Variants in GRIK4 observed in about 807,000 individuals in gnomAD.
The protein encoded by GRIK4 is glutamate ionotropic receptor kainate type subunit 4.
A neutral mutation model predicts 104.9 loss-of-function variants in GRIK4; 40 were observed. That is an observed-to-expected ratio of 0.38 (90% CI 0.30 to 0.50). The LOEUF (loss-of-function observed/expected upper bound fraction) is 0.50. Ranked by LOEUF, GRIK4 falls within the 20% of genes least tolerant of loss-of-function variation. The pLI, the probability that GRIK4 is intolerant of heterozygous loss-of-function variation, is 0.93. For synonymous variants in GRIK4, 485 were observed against 524.9 expected (o/e 0.92, Z 1.04); for missense variants, 1,047 against 1,308.1 (o/e 0.80, Z 3.08).
At chr11:120,841,957 C>T (rs1295752729) in intron 8 of GRIK4, among the ~76,000 whole-genome samples, 1 of 152,148 alleles carries the variant, frequency 6.6e-6, no homozygotes, top group African/African-American at 2.4e-5. Flanking sequence ...AAAATCACAT[C>T]CTTACAATCA....
At chr11:120,746,636 A>C (rs534934719) in intron 3 of GRIK4, among the ~76,000 whole-genome samples, 31 of 152,318 alleles carry the variant, frequency 2.0e-4, no homozygotes, top group Admixed American at 1.2e-3. Flanking sequence ...CTGCTTACCC[A>C]AAAGGGGGAA....
chr11:120,529,017 T>G (rs10892584), intron 1 of GRIK4, among the ~76,000 whole-genome samples: 90,243 of 151,924 alleles, frequency 0.59, 28,107 homozygotes, highest in Non-Finnish European at 0.67. Context: ...TGCTGTTCAC[T>G]CTGCCTGCAA....
rs941758830 is a variant in GRIK4, at chr11:120,847,206, C to A, written c.744+10362C>A. On this transcript the variant is annotated intron_variant, in intron 8 of 20. Transcript: ENST00000527524. ...GGAAAGTGACTTGGCCAGGCTCTCA[C>A]AGTGAGTCAGGAGTAGAGAGAGGAG... is the stretch of plus-strand genomic sequence containing the variant. 6.6e-5 allele frequency among the ~76,000 whole-genome samples: 10 copies of A among 152,290 alleles called. No individual in the cohort carries two copies. In the East Asian group the frequency reaches 1.9e-3, roughly 29 times the overall value.
intron 1 of GRIK4, among the ~76,000 whole-genome samples, chr11:120,587,376 C>G (rs1002819851): frequency 6.6e-6 from 1 of 152,002 alleles, no homozygotes; most frequent in African/African-American, 2.4e-5. Flanking sequence ...GGAAAGGAGA[C>G]CGTGAGCTTT....
intron 14 of GRIK4, among the ~76,000 whole-genome samples, chr11:120,949,324 T>C (rs1438089254): frequency 1.3e-5 from 2 of 152,238 alleles, no homozygotes; most frequent in Non-Finnish European, 2.9e-5. Context: ...GGGATGCTGA[T>C]TGATGGTCAG....
At chr11:120,521,111 A>G (rs1485973501) in intron 1 of GRIK4, among the ~76,000 whole-genome samples, 15 of 151,916 alleles carry the variant, frequency 9.9e-5, no homozygotes, top group Non-Finnish European at 2.2e-4. Context: ...TTTTTGAGAC[A>G]GAGTTTCACT....
chr11:120,761,353 T>C (rs1951746507), intron 3 of GRIK4, among the ~76,000 whole-genome samples: 1 of 152,230 alleles, frequency 6.6e-6, no homozygotes, highest in Admixed American at 6.5e-5. Flanking sequence ...TATTAGCCTT[T>C]TGTCAGATGG....
chr11:120,639,531 C>T (rs569132906), intron 1 of GRIK4, among the ~76,000 whole-genome samples: 3 of 152,302 alleles, frequency 2.0e-5, no homozygotes, highest in South Asian at 4.1e-4. Context: ...GGGGTCGGCC[C>T]CTGTCTCAGT....
At chr11:120,982,256 T>C in intron 20 of GRIK4, 32 bp downstream of exon 20, 2 of 1,146,754 alleles carry the variant, frequency 1.7e-6, no homozygotes, top group Non-Finnish European at 2.7e-6. Context: ...ATCGATCGTG[T>C]TGGCAGATGG....
At chr11:120,839,107 T>C (rs1953653840) in intron 8 of GRIK4, among the ~76,000 whole-genome samples, 1 of 152,164 alleles carries the variant, frequency 6.6e-6, no homozygotes, top group Non-Finnish European at 1.5e-5. Flanking sequence ...TTTTGGGCCA[T>C]AGAGGGAGGG....
chr11:120,876,371 T>TACC (rs1954813768), intron 11 of GRIK4, among the ~76,000 whole-genome samples: 1 of 712 alleles, frequency 1.4e-3, no homozygotes, highest in Admixed American at 0.014. Context: ...TCACTACCAC[T>TACC]ACCATCACCA....
At chr11:120,607,837 T>G (rs1948981229) in intron 1 of GRIK4, among the ~76,000 whole-genome samples, 1 of 151,946 alleles carries the variant, frequency 6.6e-6, no homozygotes, top group Admixed American at 6.6e-5. Context: ...TAGAACAATC[T>G]GGGGAAGAAA....
chr11:120,727,967 A>T (rs1951061786), intron 3 of GRIK4, among the ~76,000 whole-genome samples: 1 of 152,136 alleles, frequency 6.6e-6, no homozygotes, highest in Admixed American at 6.5e-5. Flanking sequence ...TGTGAACAAT[A>T]GGCATCCCTG....
chr11:120,638,966 G>A (rs56363760), intron 1 of GRIK4, among the ~76,000 whole-genome samples: 12 of 151,896 alleles, frequency 7.9e-5, no homozygotes, highest in African/African-American at 2.9e-4. Flanking sequence ...GGAGGCCAAG[G>A]CGGGCTGATC....
chr11:120,761,866 T>G (rs1951755455), intron 3 of GRIK4, among the ~76,000 whole-genome samples: 1 of 152,232 alleles, frequency 6.6e-6, no homozygotes, highest in Admixed American at 6.5e-5. Context: ...GTAGCATAGT[T>G]TGAAGTCAGG....
At chr11:120,520,217 C>G (rs1947780405) in intron 1 of GRIK4, among the ~76,000 whole-genome samples, 3 of 152,218 alleles carry the variant, frequency 2.0e-5, no homozygotes, top group Admixed American at 2.0e-4. Flanking sequence ...TTCTATATTT[C>G]TGTTCCTCAT....
chr11:120,934,962 C>T (rs1943565330), intron 13 of GRIK4, among the ~76,000 whole-genome samples: 1 of 152,232 alleles, frequency 6.6e-6, no homozygotes, highest in East Asian at 1.9e-4. Context: ...TGGCCCCTTC[C>T]TGAATTTCTT....
rs1347580338 is a variant in GRIK4, at chr11:120,683,267, C to CT, written c.82+22872dup. ...AATGGAGATGGTGAGAAGTAAACAT[C>CT]TTTTTGAAGTTGAACTGACTAGTCT... is the stretch of plus-strand genomic sequence containing the variant. On this transcript the variant is annotated intron_variant, in intron 3 of 20. Transcript: ENST00000527524. Among the ~76,000 whole-genome samples the CT allele has an allele frequency of 3.3e-5, 5 of 152,232 alleles. No individual in the cohort carries two copies. The East Asian group carries it at 5.8e-4, about 18-fold the overall frequency.
At chr11:120,696,732 C>A (rs61902688) in intron 3 of GRIK4, among the ~76,000 whole-genome samples, 29,570 of 151,958 alleles carry the variant, frequency 0.19, 3,496 homozygotes, top group African/African-American at 0.33. Flanking sequence ...AGGGGTGGAC[C>A]GGAGGGAGAG....
Sources: gnomAD v4.1 joint callset for allele counts (sites outside exome capture counted in the v4.1 genomes callset) on GRCh38, gnomAD v4.1.1 for gene constraint, MANE v1.5 for transcripts, NCBI Gene and HGNC (gene_info 2026-07-23, HGNC 2026-07-21) for gene names.